The following GLI2 variants were observed in gnomAD, a reference collection of about 807,000 sequenced individuals.
The protein encoded by GLI2 is transcription activator GLI2.
Under a neutral mutation model 78.9 loss-of-function variants are expected in GLI2, and 22 were observed. That is an observed-to-expected ratio of 0.28 (90% confidence interval 0.20 to 0.40). The LOEUF (loss-of-function observed/expected upper bound fraction) is 0.40, where lower values mean the gene tolerates loss of function less well. Among genes scored for constraint, GLI2 ranks in the 10% least tolerant of loss-of-function variants. GLI2 has a pLI of 1.00. For synonymous variants in GLI2, 974 were observed against 963.7 expected (o/e 1.01, Z -0.20); for missense variants, 2,097 against 2,213.2 (o/e 0.95, Z 1.05).
At chr2:120,779,278 T>A (rs1323212993) in intron 1 of GLI2, among the ~76,000 whole-genome samples, 1 of 152,198 alleles carries the variant, frequency 6.6e-6, no homozygotes, top group African/African-American at 2.4e-5. Context: ...GCAGGTCCCA[T>A]TGCCTCCTAA....
chr2:120,929,285 G>A (rs1188983702), intron 3 of GLI2, among the ~76,000 whole-genome samples: 2 of 152,194 alleles, frequency 1.3e-5, no homozygotes, highest in African/African-American at 4.8e-5. Flanking sequence ...CTGTCTGCTG[G>A]CTTCTCCGCT....
intron 2 of GLI2, among the ~76,000 whole-genome samples, chr2:120,890,980 C>T (rs1677654948): frequency 1.3e-5 from 2 of 152,194 alleles, no homozygotes; most frequent in South Asian, 4.1e-4. Context: ...CTCCTAATGC[C>T]TTCCCAGGAC....
intron 2 of GLI2, among the ~76,000 whole-genome samples, chr2:120,818,651 C>A (rs1260358532): frequency 2.0e-5 from 3 of 152,168 alleles, no homozygotes; most frequent in Non-Finnish European, 2.9e-5. Flanking sequence ...TGAGTCTGGG[C>A]CCCAGGCGTG....
At chr2:120,802,459 AAC>A (rs1401178480) in intron 2 of GLI2, among the ~76,000 whole-genome samples, 1 of 152,194 alleles carries the variant, frequency 6.6e-6, no homozygotes. Flanking sequence ...AATCTTTTAA[AAC>A]ACATTTTGGC....
At chr2:120,952,712 G>A (rs770788963) in intron 4 of GLI2, among the ~76,000 whole-genome samples, 20 of 152,214 alleles carry the variant, frequency 1.3e-4, no homozygotes, top group South Asian at 2.1e-4. Context: ...CTCTGCGTGC[G>A]TCCCCTGTGT....
chr2:120,736,386 T>A (rs4848623), intron 1 of GLI2, 101 bp downstream of exon 1: 22,880 of 151,424 alleles, frequency 0.15, 1,852 homozygotes, highest in Middle Eastern at 0.27. Context: ...TCTCGGGGGG[T>A]CCCTCGGCCG....
chr2:120,812,899 G>A (rs1412077273), intron 2 of GLI2, among the ~76,000 whole-genome samples: 3 of 152,180 alleles, frequency 2.0e-5, no homozygotes, highest in Admixed American at 6.5e-5. Context: ...CAGTGAGGGC[G>A]AGAGTCTTCT....
intron 2 of GLI2, among the ~76,000 whole-genome samples, chr2:120,849,289 T>C (rs1687282875): frequency 6.6e-6 from 1 of 152,248 alleles, no homozygotes; most frequent in African/African-American, 2.4e-5. Context: ...CACTGAACTG[T>C]ACACTTAAAA....
In GLI2 at chr2:120,900,701, G is replaced by C. The variant is rs115897215; in HGVS notation, c.149-26660G>C. On this transcript the variant is annotated intron_variant, in intron 2 of 13. Transcript: ENST00000361492. ...CTGTCTTTTACTTTCACAGCCCCTG[G>C]GTAAAATAGACAAGGGATGTGCGTG... is the stretch of plus-strand genomic sequence containing the variant. Among the ~76,000 whole-genome samples the C allele has an allele frequency of 6.4e-3, 968 of 152,270 alleles. 11 individuals are homozygous for C. Among genetic ancestry groups the C allele is most frequent in the African/African-American group, 0.022 (919 of 41,536 alleles).
chr2:120,973,433 A>G (rs1240201071), intron 8 of GLI2, among the ~76,000 whole-genome samples: 1 of 152,220 alleles, frequency 6.6e-6, no homozygotes, highest in African/African-American at 2.4e-5. Context: ...CTGCCTGCCC[A>G]GCCTGGCTCT....
At chr2:120,784,368 G>T (rs960681995) in intron 1 of GLI2, among the ~76,000 whole-genome samples, 1 of 152,188 alleles carries the variant, frequency 6.6e-6, no homozygotes, top group African/African-American at 2.4e-5. Context: ...TTAGCTCTTA[G>T]GAGTTCATCA....
chr2:120,955,230 C>G lies in GLI2; in HGVS notation c.458-15C>G. On this transcript the variant is annotated splice_polypyrimidine_tract_variant and intron_variant, in intron 4 of 13. Transcript: ENST00000361492. Reference sequence around the variant, plus strand: ...CCAGGTTCTGACGGCTTCTTTCTCTCCCCTCTGCCCACAGTGGCCCAGGAG... The same window carrying G: ...CCAGGTTCTGACGGCTTCTTTCTCTGCCCTCTGCCCACAGTGGCCCAGGAG... 1 of 1,522,014 alleles carries G rather than the reference C, an allele frequency of 6.6e-7. No individual in the cohort carries two copies. Among genetic ancestry groups the G allele is most frequent in the Non-Finnish European group, 9.1e-7 (1 of 1,103,682 alleles). The allele number at this position is 1,522,014 out of a possible 1,614,324, so 94.3% of individuals were successfully genotyped here.
intron 1 of GLI2, among the ~76,000 whole-genome samples, chr2:120,762,654 G>A (rs1400002189): frequency 2.6e-5 from 4 of 152,196 alleles, no homozygotes; most frequent in Admixed American, 6.5e-5. Flanking sequence ...CCTCCCCATC[G>A]AGAGCGTCGA....
chr2:120,992,391 T>G lies in GLI2; in HGVS notation c.*1716T>G, dbSNP rs1683323914. The G allele has an allele frequency of 6.6e-6, 1 of 152,196 alleles. No individual in the cohort carries two copies. The highest frequency in any genetic ancestry group is 2.4e-5 in the African/African-American group (1 of 41,456). The allele number at this position is 152,196 out of a possible 1,614,324, so 9.4% of individuals were successfully genotyped here. A position where few individuals can be genotyped will look rare whatever the true frequency, so the allele number is the denominator to read the frequency against. ...ACTGTAGGTGAGTCGTCCAGCCAAA[T>G]TTATATCTCCAAAACATTTTTAGCT... On this transcript the variant is annotated 3_prime_UTR_variant, in exon 14 of 14. Transcript: ENST00000361492.
chr2:120,900,064 G>A (rs1183040611), intron 2 of GLI2, among the ~76,000 whole-genome samples: 1 of 152,188 alleles, frequency 6.6e-6, no homozygotes. Flanking sequence ...GGAACTGCTG[G>A]GGAAAGTTTG....
In GLI2 at chr2:120,989,107, G is replaced by T; in HGVS notation, c.3142G>T (p.Asp1048Tyr). ...GGAGGACGACCTGGTGCTTCCAGACGACGTGGTGCAGTACATCAAGGCGCA... is the reference window on the plus strand; with the variant it reads ...GGAGGACGACCTGGTGCTTCCAGACTACGTGGTGCAGTACATCAAGGCGCA... ...LPEDDLVLPD[D>Y]VVQYIKAHAS... The change falls in exon 14 of 14, where the codon GAC (aspartate) becomes TAC (tyrosine). Residue 1048 changes from aspartate (D) to tyrosine (Y), a missense_variant. Coordinates refer to ENST00000361492, the MANE Select transcript of GLI2 (RefSeq NM_001374353.1). The T allele has an allele frequency of 6.2e-7, 1 of 1,612,796 alleles. No individual in the cohort carries two copies. Among genetic ancestry groups the T allele is most frequent in the Non-Finnish European group, 8.5e-7 (1 of 1,179,938 alleles).
intron 2 of GLI2, among the ~76,000 whole-genome samples, chr2:120,922,876 C>A (rs1679451143): frequency 6.6e-6 from 1 of 152,112 alleles, no homozygotes; most frequent in Non-Finnish European, 1.5e-5. Context: ...GCAGCCCTGC[C>A]TACCTGGAGA....
chr2:120,942,091 G>A (rs1350258462), intron 3 of GLI2, among the ~76,000 whole-genome samples: 4 of 152,184 alleles, frequency 2.6e-5, no homozygotes, highest in Non-Finnish European at 5.9e-5. Context: ...TCAGAAGAAC[G>A]ATGGCACTAG....
chr2:120,755,675 G>A (rs1683016723), intron 1 of GLI2, among the ~76,000 whole-genome samples: 1 of 151,902 alleles, frequency 6.6e-6, no homozygotes, highest in Non-Finnish European at 1.5e-5. Context: ...GAAGTCACAA[G>A]GATTTTCTCT....
Sources: gnomAD v4.1 joint callset for allele counts (sites outside exome capture counted in the v4.1 genomes callset) on GRCh38, gnomAD v4.1.1 for gene constraint, MANE v1.5 for transcripts, NCBI Gene and HGNC (gene_info 2026-07-23, HGNC 2026-07-21) for gene names.